The following KLF12 variants were observed in gnomAD, a reference collection of about 807,000 sequenced individuals.
The protein encoded by KLF12 is Krueppel-like factor 12.
In KLF12, 9 loss-of-function variants were observed where a neutral mutation model predicts 37.8. That is an observed-to-expected ratio of 0.24 (90% CI 0.14 to 0.42). The LOEUF (loss-of-function observed/expected upper bound fraction) is 0.42, where lower values mean the gene tolerates loss of function less well. KLF12 is among the 10% of genes least tolerant of loss of function. KLF12 has a pLI of 1.00. For missense variants in KLF12, 411 were observed against 516.0 expected (o/e 0.80, Z 1.97); for synonymous variants, 208 against 202.1 (o/e 1.03, Z -0.25).
At chr13:73,964,881 AT>A (rs2139483307) in intron 2 of KLF12, among the ~76,000 whole-genome samples, 1 of 152,336 alleles carries the variant, frequency 6.6e-6, no homozygotes, top group African/African-American at 2.4e-5. Context: ...AATCTGACAC[AT>A]TAAGGTTGAT....
At chr13:74,026,708 G>A (rs1327252915) in intron 1 of KLF12, among the ~76,000 whole-genome samples, 1 of 152,112 alleles carries the variant, frequency 6.6e-6, no homozygotes, top group East Asian at 1.9e-4. Context: ...TCTATCCAGG[G>A]TAATCTGAAA....
At chr13:73,905,645 C>T (rs979879257) in intron 3 of KLF12, among the ~76,000 whole-genome samples, 1 of 151,836 alleles carries the variant, frequency 6.6e-6, no homozygotes, top group African/African-American at 2.4e-5. Flanking sequence ...TATATCATTG[C>T]AGTACACACA....
At chr13:73,860,763 C>T (rs1039584965) in intron 3 of KLF12, among the ~76,000 whole-genome samples, 1 of 152,022 alleles carries the variant, frequency 6.6e-6, no homozygotes, top group South Asian at 2.1e-4. Flanking sequence ...TACCCCGTGA[C>T]TAAAACTTAA....
chr13:74,086,216 C>G (rs1466231414), intron 1 of KLF12, among the ~76,000 whole-genome samples: 1 of 150,734 alleles, frequency 6.6e-6, no homozygotes, highest in Non-Finnish European at 1.5e-5. Flanking sequence ...TGTGCTGCAC[C>G]CATTAACTCG....
At chr13:73,739,767 A>T (rs1218363490) in intron 6 of KLF12, among the ~76,000 whole-genome samples, 1 of 152,226 alleles carries the variant, frequency 6.6e-6, no homozygotes, top group Non-Finnish European at 1.5e-5. Flanking sequence ...CATAGACATG[A>T]TGATAAATAA....
the KLF12 span, among the ~76,000 whole-genome samples, chr13:74,275,813 T>C: frequency 6.3e-5 from 6 of 94,742 alleles, no homozygotes; most frequent in East Asian, 1.0e-3. Context: ...TTTCCTTCTT[T>C]CTTTCTTTCT....
At chr13:74,133,677 A>C (rs1593928055) in intron 1 of KLF12, among the ~76,000 whole-genome samples, 1 of 9,920 alleles carries the variant, frequency 1.0e-4, no homozygotes, top group Non-Finnish European at 6.6e-4. Flanking sequence ...TTGGGATGGC[A>C]AAAAAAAAAA....
chr13:73,719,650 G>A (rs1283314426), intron 6 of KLF12, among the ~76,000 whole-genome samples: 7 of 151,576 alleles, frequency 4.6e-5, no homozygotes, highest in Non-Finnish European at 8.8e-5. Flanking sequence ...ATCTAGACTG[G>A]TGGCCTAGGT....
chr13:73,943,406 T>G (rs1416578939), intron 3 of KLF12, among the ~76,000 whole-genome samples: 1 of 152,238 alleles, frequency 6.6e-6, no homozygotes, highest in Non-Finnish European at 1.5e-5. Flanking sequence ...TCATAGTCCT[T>G]GTATTTTCAG....
intron 6 of KLF12, among the ~76,000 whole-genome samples, chr13:73,742,454 T>A (rs2137899958): frequency 6.6e-6 from 1 of 152,312 alleles, no homozygotes; most frequent in South Asian, 2.1e-4. Flanking sequence ...GTTAACAATA[T>A]TTAACAGTTA....
At chr13:74,286,426 A>G in the KLF12 span, among the ~76,000 whole-genome samples, 1 of 152,242 alleles carries the variant, frequency 6.6e-6, no homozygotes, top group Non-Finnish European at 1.5e-5. Context: ...TTCCAGGAAG[A>G]CAAGATGAAA....
Position 73,979,811 on chromosome 13 carries a change from T to C in KLF12, c.33+15179A>G, listed in dbSNP as rs563884121. Among the ~76,000 whole-genome samples the C allele has an allele frequency of 5.5e-4, 83 of 152,252 alleles. 1 individual carries two copies. The highest frequency in any genetic ancestry group is 3.1e-3 in the South Asian group (15 of 4,822). ...TCCTAACCTGTAGAGCCTCAGAATA[T>C]TGAGACTCTATTTAGAGATAGGGAC... On this transcript the variant is annotated intron_variant, in intron 2 of 7. Coordinates refer to ENST00000377669, the MANE Select transcript of KLF12 (RefSeq NM_007249.5).
intron 6 of KLF12, among the ~76,000 whole-genome samples, chr13:73,763,459 GC>G (rs1307223481): frequency 6.6e-6 from 1 of 152,122 alleles, no homozygotes; most frequent in Non-Finnish European, 1.5e-5. Flanking sequence ...TTTTCTCAAG[GC>G]CAGTAGTAAA....
chr13:74,093,109 C>T (rs1014199881), intron 1 of KLF12, among the ~76,000 whole-genome samples: 2 of 152,176 alleles, frequency 1.3e-5, no homozygotes, highest in East Asian at 3.8e-4. Flanking sequence ...GGAGACCTAC[C>T]TACATCTGAA....
chr13:74,100,195 G>A (rs1017463781), intron 1 of KLF12, among the ~76,000 whole-genome samples: 1 of 152,116 alleles, frequency 6.6e-6, no homozygotes, highest in African/African-American at 2.4e-5. Flanking sequence ...AATATGTTGA[G>A]GATAACAAGA....
At chr13:74,006,012 T>C (rs1487949915) in intron 1 of KLF12, among the ~76,000 whole-genome samples, 1 of 152,196 alleles carries the variant, frequency 6.6e-6, no homozygotes, top group Non-Finnish European at 1.5e-5. Flanking sequence ...TCCTCCAGCA[T>C]AGAAGTCATC....
chr13:74,039,953 T>C (rs1893357702), intron 1 of KLF12, among the ~76,000 whole-genome samples: 1 of 152,228 alleles, frequency 6.6e-6, no homozygotes, highest in Admixed American at 6.5e-5. Context: ...TATGGCTTGC[T>C]CGAACACCAA....
the KLF12 span, among the ~76,000 whole-genome samples, chr13:74,151,635 G>A: frequency 6.7e-6 from 1 of 149,890 alleles, no homozygotes; most frequent in Non-Finnish European, 1.5e-5. Flanking sequence ...CCTGGGTGAT[G>A]GAGTGAGACC....
chr13:73,966,951 G>A (rs1392072733), intron 2 of KLF12, among the ~76,000 whole-genome samples: 1 of 152,158 alleles, frequency 6.6e-6, no homozygotes, highest in Non-Finnish European at 1.5e-5. Flanking sequence ...ATTGCATATT[G>A]ACCTGTAAGT....
Sources: allele counts gnomAD v4.1 joint callset (sites outside exome capture counted in the v4.1 genomes callset), GRCh38; gene constraint gnomAD v4.1.1; transcripts MANE v1.5; gene names NCBI Gene and HGNC (gene_info 2026-07-23, HGNC 2026-07-21).